FIGLA: variants seen among roughly 807,000 people sequenced by gnomAD.
The protein encoded by FIGLA is folliculogenesis specific bHLH transcription factor, also known as factor in the germline alpha.
In FIGLA, 17 loss-of-function variants were observed where a neutral mutation model predicts 21.5. The observed-to-expected ratio is 0.79, with a 90% CI of 0.54 to 1.19. The LOEUF (loss-of-function observed/expected upper bound fraction) is 1.19, where lower values mean the gene tolerates loss of function less well. Ranked by LOEUF, FIGLA falls within the 50% of genes most tolerant of loss-of-function variation. FIGLA has a pLI of 0.00. For missense variants in FIGLA, 282 were observed against 285.0 expected, an observed-to-expected ratio of 0.99 and a Z score of 0.08; for synonymous variants, 129 against 117.6, an observed-to-expected ratio of 1.10 and a Z score of -0.63.
Position 70,777,339 on chromosome 2 carries a change from A to G in FIGLA, c.*28T>C. ...TTCAAGACTGCATTTATTTGTCTCTAGAAGGTAACCCTGGGCCTTTTCATT... is the reference window on the plus strand; with the variant it reads ...TTCAAGACTGCATTTATTTGTCTCTGGAAGGTAACCCTGGGCCTTTTCATT... On this transcript the variant is annotated 3_prime_UTR_variant, in exon 5 of 5. Transcript: ENST00000332372. 6.9e-7 allele frequency: 1 copy of G among 1,458,476 alleles called. No individual in the cohort carries two copies. Among genetic ancestry groups the G allele is most frequent in the South Asian group, 1.4e-5 (1 of 70,724 alleles). The allele number at this position is 1,458,476 out of a possible 1,614,324, so 90.3% of individuals were successfully genotyped here.
intron 3 of FIGLA, among the ~76,000 whole-genome samples, chr2:70,785,204 T>C (rs1200448511): frequency 2.0e-5 from 3 of 152,308 alleles, no homozygotes; most frequent in African/African-American, 7.2e-5. Context: ...TGGGTGGTTC[T>C]GGAGGAGTTT....
intron 3 of FIGLA, 88 bp downstream of exon 3, chr2:70,785,327 G>T: frequency 9.0e-7 from 1 of 1,113,056 alleles, no homozygotes; most frequent in Non-Finnish European, 1.3e-6. Flanking sequence ...TTTTAATCAT[G>T]TTTTAGCATG....
rs35547757 is a variant in FIGLA, at chr2:70,784,945, CA to C, written c.609+469del. On this transcript the variant is annotated intron_variant, in intron 3 of 4. Transcript: ENST00000332372. ...TTACAACCAGCACCACCCCCCACCA[CA>C]AAAAAAAAAAAAAAGTATCACCAAA... 9.5e-4 allele frequency among the ~76,000 whole-genome samples: 133 copies of C among 139,316 alleles called. 1 individual carries two copies. The Middle Eastern group carries it at 0.011, about 12-fold the overall frequency. 91.4% of individuals were successfully genotyped at this position (139,316 alleles called of 152,430 possible). A position where few individuals can be genotyped will look rare whatever the true frequency, so the allele number is the denominator to read the frequency against.
intron 1 of FIGLA, among the ~76,000 whole-genome samples, chr2:70,789,479 A>G (rs1336095659): frequency 6.6e-6 from 1 of 152,102 alleles, no homozygotes; most frequent in Non-Finnish European, 1.5e-5. Flanking sequence ...CTGGTAAAAG[A>G]GGAGACTTAA....
At chr2:70,781,126 T>C (rs1230077300) in intron 3 of FIGLA, among the ~76,000 whole-genome samples, 1 of 152,114 alleles carries the variant, frequency 6.6e-6, no homozygotes, top group Non-Finnish European at 1.5e-5. Context: ...GGAATCCACA[T>C]ATGAGGGGAC....
At position 70,784,637 on chromosome 2, in the gene FIGLA, C is replaced by T. The variant is rs113185085; in HGVS notation, c.609+778G>A. Among the ~76,000 whole-genome samples, 1,014 of 152,274 alleles carry T rather than the reference C, an allele frequency of 6.7e-3. 5 individuals carry two copies. The highest frequency in any genetic ancestry group is 0.023 in the African/African-American group (950 of 41,540). On this transcript the variant is annotated intron_variant, in intron 3 of 4. Coordinates refer to ENST00000332372, the MANE Select transcript of FIGLA (RefSeq NM_001004311.3). ...GCCTCAACTGCCTCCCTCCAACCAC[C>T]ATCTGTGACTCCACAGCCCCCACTG...
intron 3 of FIGLA, among the ~76,000 whole-genome samples, chr2:70,781,843 GGT>G (rs1388559469): frequency 1.3e-5 from 2 of 152,162 alleles, no homozygotes; most frequent in African/African-American, 4.8e-5. Flanking sequence ...AGATCTTTGT[GGT>G]GATGGAACAG....
At chr2:70,779,298 C>T (rs1675814651) in intron 3 of FIGLA, among the ~76,000 whole-genome samples, 1 of 152,136 alleles carries the variant, frequency 6.6e-6, no homozygotes, top group Non-Finnish European at 1.5e-5. Flanking sequence ...CTAATCTCAT[C>T]AGAATATGCC....
At chr2:70,786,744 A>G (rs555373356) in intron 2 of FIGLA, among the ~76,000 whole-genome samples, 1 of 152,228 alleles carries the variant, frequency 6.6e-6, no homozygotes, top group South Asian at 2.1e-4. Flanking sequence ...AGTGCTAGAC[A>G]TGGTGCTTCC....
Position 70,777,372 on chromosome 2 carries a change from C to G in FIGLA, c.655G>C (p.Val219Leu). 2.0e-6 allele frequency: 3 copies of G among 1,491,894 alleles called. No homozygotes were observed. The highest frequency in any genetic ancestry group is 2.7e-6 in the Non-Finnish European group (3 of 1,116,572). 92.4% of individuals were successfully genotyped at this position (1,491,894 alleles called of 1,614,324 possible). The change falls in exon 5 of 5, where the codon GTA (valine) becomes CTA (leucine). Residue 219 changes from valine (V) to leucine (L), a missense_variant. Transcript: ENST00000332372. ...VELLSHRLPQ[V>L] is the part of the protein sequence containing the mutation. ...ACCCTGGGCCTTTTCATTTTTCATA[C>G]TTGTGGAAGTCTGAAACAGAGAAAA... is the stretch of plus-strand genomic sequence containing the variant.
At chr2:70,785,069 T>C (rs1368435503) in intron 3 of FIGLA, among the ~76,000 whole-genome samples, 3 of 151,980 alleles carry the variant, frequency 2.0e-5, no homozygotes, top group Non-Finnish European at 4.4e-5. Flanking sequence ...ATTTAAAAGA[T>C]AAACTTAGGT....
At chr2:70,782,465 T>A (rs1233872115) in intron 3 of FIGLA, among the ~76,000 whole-genome samples, 1 of 152,218 alleles carries the variant, frequency 6.6e-6, no homozygotes, top group Non-Finnish European at 1.5e-5. Context: ...GAAGGAGCCA[T>A]GGCAACTAAA....
rs1225396259 is a variant in FIGLA, at chr2:70,777,379, A to T, written c.648T>A (p.Leu216=). The T allele has an allele frequency of 1.3e-6, 2 of 1,494,424 alleles. No individual in the cohort carries two copies. Among genetic ancestry groups the T allele is most frequent in the African/African-American group, 2.8e-5 (2 of 71,226 alleles). The allele number at this position is 1,494,424 out of a possible 1,614,324, so 92.6% of individuals were successfully genotyped here. ...GCCTTTTCATTTTTCATACTTGTGG[A>T]AGTCTGAAACAGAGAAAACATTCCA... ...FPEVELLSHR[L]PQV The change falls in exon 5 of 5, where the codon CTT becomes CTA. Residue 216 remains leucine, a synonymous_variant. Transcript: ENST00000332372.
intron 2 of FIGLA, among the ~76,000 whole-genome samples, chr2:70,786,324 G>T (rs1353832355): frequency 6.6e-6 from 1 of 150,556 alleles, no homozygotes; most frequent in East Asian, 2.0e-4. Flanking sequence ...TTTTGGGGGG[G>T]GACAGAGTCT....
intron 3 of FIGLA, among the ~76,000 whole-genome samples, chr2:70,781,042 TG>T (rs1553389033): frequency 6.6e-6 from 1 of 152,096 alleles, no homozygotes; most frequent in Non-Finnish European, 1.5e-5. Flanking sequence ...CAGTTCAGCA[TG>T]GAGTAGAGAA....
At chr2:70,785,726 A>G (rs1675942357) in intron 2 of FIGLA, 87 bp from the exon 3 acceptor site, 2 of 978,764 alleles carry the variant, frequency 2.0e-6, no homozygotes, top group South Asian at 1.5e-5. Flanking sequence ...GTTTTAACTG[A>G]TGAGGTTTCA....
At chr2:70,782,582 C>A (rs1675874933) in intron 3 of FIGLA, among the ~76,000 whole-genome samples, 1 of 152,186 alleles carries the variant, frequency 6.6e-6, no homozygotes, top group Non-Finnish European at 1.5e-5. Flanking sequence ...AACGCCGCAA[C>A]ATTAATCCCC....
chr2:70,782,980 C>T (rs1675882996), intron 3 of FIGLA, among the ~76,000 whole-genome samples: 1 of 151,216 alleles, frequency 6.6e-6, no homozygotes, highest in Non-Finnish European at 1.5e-5. Flanking sequence ...GTTACTTGAA[C>T]CCGGGAGGCG....
chr2:70,787,522 TA>T, intron 2 of FIGLA, 126 bp downstream of exon 2: 1 of 1,012,820 alleles, frequency 9.9e-7, no homozygotes, highest in Non-Finnish European at 1.4e-6. Context: ...ATAAGGGTCA[TA>T]AAAATAGCTT....
Sources: gnomAD v4.1 joint callset for allele counts (sites outside exome capture counted in the v4.1 genomes callset) on GRCh38, gnomAD v4.1.1 for gene constraint, MANE v1.5 for transcripts, NCBI Gene and HGNC (gene_info 2026-07-23, HGNC 2026-07-21) for gene names.